Variants in PLXDC1 observed in about 807,000 individuals in gnomAD.
PLXDC1 encodes plexin domain containing 1.
PLXDC1 carries 39 observed loss-of-function variants against 61.3 expected under a neutral mutation model. The ratio of observed to expected loss-of-function variants is 0.64; its 90% CI spans 0.49 to 0.83. PLXDC1 has a LOEUF of 0.83. Ranked by LOEUF, PLXDC1 falls within the 40% of genes least tolerant of loss-of-function variation. The pLI, the probability that PLXDC1 is intolerant of heterozygous loss-of-function variation, is 0.00. For missense variants in PLXDC1, 596 were observed against 666.5 expected (o/e 0.89, Z 1.17); for synonymous variants, 212 against 254.5 (o/e 0.83, Z 1.59).
Position 39,108,893 on chromosome 17 carries a change from C to G in PLXDC1, c.469+11G>C, listed in dbSNP as rs754518217. On this transcript the variant is annotated intron_variant, in intron 4 of 13. Coordinates refer to ENST00000315392, the MANE Select transcript of PLXDC1 (RefSeq NM_020405.5). ...CCAGACTCTCCCCGGGGCCCCACGA[C>G]GTGGCCTTACCTCCAGTTGCTATGG... 1 of 1,608,210 alleles carries G rather than the reference C, an allele frequency of 6.2e-7. No individual in the cohort carries two copies. The highest frequency in any genetic ancestry group is 1.7e-5 in the Admixed American group (1 of 59,864).
chr17:39,079,029 G>A lies in PLXDC1; in HGVS notation c.1050+75C>T, dbSNP rs1207908105. On this transcript the variant is annotated intron_variant, in intron 10 of 13. Coordinates refer to ENST00000315392, the MANE Select transcript of PLXDC1 (RefSeq NM_020405.5). ...TGCCACCTTGAGAAGAGTTTCCAGG[G>A]GCAGGCCCTACTGGCTGCCCTCCTG... 28 of 1,177,058 alleles carry A rather than the reference G, an allele frequency of 2.4e-5. No homozygotes were observed. In the Admixed American group the frequency reaches 2.5e-4, roughly 11 times the overall value. 72.9% of individuals were successfully genotyped at this position (1,177,058 alleles called of 1,614,324 possible).
chr17:39,152,553 T>C, upstream of PLXDC1: 20 of 1,245,280 alleles, frequency 1.6e-5, no homozygotes, highest in Non-Finnish European at 2.0e-5. Context: ...TACTTCGTTC[T>C]TGTGACGGCA....
intron 13 of PLXDC1, among the ~76,000 whole-genome samples, chr17:39,069,565 T>C (rs957526865): frequency 6.6e-6 from 1 of 152,194 alleles, no homozygotes; most frequent in Non-Finnish European, 1.5e-5. Context: ...TGTGGCACTG[T>C]GGCCTTCTTT....
chr17:39,114,798 G>A (rs1025354076), intron 2 of PLXDC1, among the ~76,000 whole-genome samples: 12 of 152,314 alleles, frequency 7.9e-5, no homozygotes, highest in African/African-American at 2.2e-4. Flanking sequence ...GAACCTGAGC[G>A]GGCCAGTGTT....
intron 7 of PLXDC1, 115 bp from the exon 8 acceptor site, chr17:39,087,817 C>A: frequency 1.4e-6 from 1 of 706,464 alleles, no homozygotes; most frequent in Non-Finnish European, 2.5e-6. Flanking sequence ...TAAGTGCACC[C>A]AGCAGCCTGG....
intron 1 of PLXDC1, among the ~76,000 whole-genome samples, chr17:39,143,706 C>G (rs939217433): frequency 6.6e-6 from 1 of 152,234 alleles, no homozygotes; most frequent in African/African-American, 2.4e-5. Context: ...TGGACCCTTG[C>G]CGGCCCCCTC....
chr17:39,070,253 A>G (rs1265232704), intron 12 of PLXDC1: 1 of 411,532 alleles, frequency 2.4e-6, no homozygotes, highest in Non-Finnish European at 4.3e-6. Flanking sequence ...CAAATGTCTA[A>G]TAAGGATCAT....
At chr17:39,145,727 T>C (rs935994873) in intron 1 of PLXDC1, among the ~76,000 whole-genome samples, 3 of 152,148 alleles carry the variant, frequency 2.0e-5, no homozygotes, top group Non-Finnish European at 2.9e-5. Flanking sequence ...TGGAACTTCA[T>C]TGTAGTATCA....
At chr17:39,147,149 G>T (rs1388442472) in intron 1 of PLXDC1, among the ~76,000 whole-genome samples, 1 of 151,840 alleles carries the variant, frequency 6.6e-6, no homozygotes, top group East Asian at 1.9e-4. Flanking sequence ...GTAGAGACAG[G>T]GTTTCACCAT....
In PLXDC1 at chr17:39,063,834, G is replaced by C. The variant is rs1476694575; in HGVS notation, c.*4006C>G. Reference sequence around the variant, plus strand: ...GTAGGTTTGCTTGGCCAGGGAGTCTGAGTGCAGCCCCTGATCAGTGCTTCA... The same window carrying C: ...GTAGGTTTGCTTGGCCAGGGAGTCTCAGTGCAGCCCCTGATCAGTGCTTCA... On this transcript the variant is annotated 3_prime_UTR_variant, in exon 14 of 14. Coordinates refer to ENST00000315392, the MANE Select transcript of PLXDC1 (RefSeq NM_020405.5). The C allele has an allele frequency of 3.5e-6, 1 of 285,542 alleles. No individual in the cohort carries two copies. Among genetic ancestry groups the C allele is most frequent in the Non-Finnish European group, 6.7e-6 (1 of 149,972 alleles). The allele number at this position is 285,542 out of a possible 1,614,324, so 17.7% of individuals were successfully genotyped here.
chr17:39,134,888 A>G (rs1218872532), intron 2 of PLXDC1, among the ~76,000 whole-genome samples: 3 of 151,760 alleles, frequency 2.0e-5, no homozygotes, highest in African/African-American at 7.3e-5. Context: ...CCAGAGCCCC[A>G]GCCCCAGTCC....
chr17:39,094,134 G>T (rs1910056932), intron 7 of PLXDC1, among the ~76,000 whole-genome samples: 1 of 146,390 alleles, frequency 6.8e-6, no homozygotes, highest in South Asian at 2.2e-4. Flanking sequence ...CACCTGTGCT[G>T]CAGGTGCCCC....
Position 39,065,195 on chromosome 17 carries a change from T to C in PLXDC1, c.*2645A>G, listed in dbSNP as rs1908847470. 6.6e-6 allele frequency: 1 copy of C among 152,140 alleles called. No individual in the cohort carries two copies. The highest frequency in any genetic ancestry group is 1.5e-5 in the Non-Finnish European group (1 of 68,030). The allele number at this position is 152,140 out of a possible 1,614,324, so 9.4% of individuals were successfully genotyped here. ...GCTGACCCATAGGATGTCAGTGGCA[T>C]GGGGAGTGGATGTATTTGGCGGCAG... On this transcript the variant is annotated 3_prime_UTR_variant, in exon 14 of 14. Transcript: ENST00000315392.
chr17:39,139,531 C>T, intron 2 of PLXDC1, 123 bp downstream of exon 2: 5 of 906,952 alleles, frequency 5.5e-6, no homozygotes, highest in Non-Finnish European at 8.3e-6. Flanking sequence ...TCTCTCCACC[C>T]TGTCCTCCGG....
At position 39,064,980 on chromosome 17, in the gene PLXDC1, G is replaced by C. The variant is rs931085868; in HGVS notation, c.*2860C>G. ...CTGCTGTGGCCTGATTCCATGGACAGCACCACTCATCTCACTCCCCAACTC... is the reference window on the plus strand; with the variant it reads ...CTGCTGTGGCCTGATTCCATGGACACCACCACTCATCTCACTCCCCAACTC... On this transcript the variant is annotated 3_prime_UTR_variant, in exon 14 of 14. Transcript: ENST00000315392. The C allele has an allele frequency of 3.3e-5, 5 of 152,182 alleles. No individual in the cohort carries two copies. Among genetic ancestry groups the C allele is most frequent in the African/African-American group, 1.2e-4 (5 of 41,426 alleles). The allele number at this position is 152,182 out of a possible 1,614,324, so 9.4% of individuals were successfully genotyped here.
chr17:39,095,367 G>GCCCCCACCC (rs1555571240), intron 7 of PLXDC1, among the ~76,000 whole-genome samples: 1 of 7,584 alleles, frequency 1.3e-4, no homozygotes. Context: ...CTTACGCCCC[G>GCCCCCACCC]CCCCCCCCCC....
At chr17:39,117,299 C>G (rs1911003909) in intron 2 of PLXDC1, among the ~76,000 whole-genome samples, 1 of 152,076 alleles carries the variant, frequency 6.6e-6, no homozygotes, top group Non-Finnish European at 1.5e-5. Flanking sequence ...ACTAGGAAGC[C>G]CTAGATGCTA....
intron 2 of PLXDC1, among the ~76,000 whole-genome samples, chr17:39,133,229 G>T (rs925649089): frequency 1.3e-5 from 2 of 152,136 alleles, no homozygotes; most frequent in Admixed American, 6.5e-5. Context: ...GCTGCTGGGG[G>T]TATCACCAGC....
chr17:39,130,312 T>C (rs572076176), intron 2 of PLXDC1, among the ~76,000 whole-genome samples: 2 of 152,028 alleles, frequency 1.3e-5, no homozygotes, highest in African/African-American at 4.8e-5. Flanking sequence ...AATTAGCCTG[T>C]TGTAGTGGCA....
Sources: allele counts gnomAD v4.1 joint callset (sites outside exome capture counted in the v4.1 genomes callset), GRCh38; gene constraint gnomAD v4.1.1; transcripts MANE v1.5; gene names NCBI Gene and HGNC (gene_info 2026-07-23, HGNC 2026-07-21).